The following RBMS3 variants were observed in gnomAD, a reference collection of about 807,000 sequenced individuals.
RBMS3 encodes the protein RNA-binding motif, single-stranded-interacting protein 3.
Under a neutral mutation model 66.8 loss-of-function variants are expected in RBMS3, and 27 were observed. The ratio of observed to expected loss-of-function variants is 0.40; its 90% CI spans 0.30 to 0.56. The LOEUF (loss-of-function observed/expected upper bound fraction) is 0.56. Ranked by LOEUF, RBMS3 falls within the 20% of genes least tolerant of loss-of-function variation. The probability of loss-of-function intolerance (pLI) is 0.40; values close to 1 mark genes in which losing one functional copy is unlikely to be tolerated. For missense variants in RBMS3, 513 were observed against 549.5 expected, an observed-to-expected ratio of 0.93 and a Z score of 0.66; for synonymous variants, 188 against 183.0, an observed-to-expected ratio of 1.03 and a Z score of -0.22.
intron 4 of RBMS3, among the ~76,000 whole-genome samples, chr3:29,682,142 A>G (rs571225655): frequency 6.6e-6 from 1 of 151,992 alleles, no homozygotes; most frequent in South Asian, 2.1e-4. Flanking sequence ...AGGCAATTAG[A>G]TGTTTGTTTG....
chr3:29,701,275 C>G (rs966621180), intron 4 of RBMS3, among the ~76,000 whole-genome samples: 9 of 150,920 alleles, frequency 6.0e-5, no homozygotes, highest in African/African-American at 2.4e-5. Flanking sequence ...GAGACTCTGT[C>G]TCAAAAGAAA....
intron 3 of RBMS3, among the ~76,000 whole-genome samples, chr3:29,575,638 T>C (rs997600001): frequency 6.6e-6 from 1 of 152,100 alleles, no homozygotes; most frequent in African/African-American, 2.4e-5. Flanking sequence ...ATAACTCTTA[T>C]ATTTGCCCTT....
At position 29,302,954 on chromosome 3, in the gene RBMS3, C is replaced by T. The variant is rs544193281; in HGVS notation, c.75+21198C>T. The stretch of plus-strand genomic sequence containing the variant: ...TGTTGTGTATCGACAAATTAGTCTC[C>T]TGGGTTATACCTTAGTCTCATATGA... On this transcript the variant is annotated intron_variant, in intron 1 of 14. Coordinates refer to ENST00000383767, the MANE Select transcript of RBMS3 (RefSeq NM_001003793.3). 2.9e-3 allele frequency among the ~76,000 whole-genome samples: 441 copies of T among 152,050 alleles called. 1 individual carries two copies. Among genetic ancestry groups the T allele is most frequent in the African/African-American group, 0.01 (423 of 41,520 alleles).
intron 1 of RBMS3, among the ~76,000 whole-genome samples, chr3:29,352,141 A>G (rs1267320404): frequency 6.6e-6 from 1 of 152,084 alleles, no homozygotes; most frequent in Admixed American, 6.6e-5. Context: ...TGATTTCATA[A>G]TTATTTTTAA....
chr3:29,540,498 A>G (rs2045716965), intron 3 of RBMS3, among the ~76,000 whole-genome samples: 1 of 152,174 alleles, frequency 6.6e-6, no homozygotes, highest in South Asian at 2.1e-4. Context: ...GATAGTATCT[A>G]GAATTCTTCT....
chr3:29,828,079 T>TGAGA (rs370284060), intron 6 of RBMS3, among the ~76,000 whole-genome samples: 1 of 150,580 alleles, frequency 6.6e-6, no homozygotes, highest in African/African-American at 2.4e-5. Flanking sequence ...TGTGTGTGTG[T>TGAGA]GAGAGAGAGA....
At chr3:29,339,506 T>G (rs1194043434) in intron 1 of RBMS3, among the ~76,000 whole-genome samples, 2 of 151,986 alleles carry the variant, frequency 1.3e-5, no homozygotes, top group Non-Finnish European at 2.9e-5. Flanking sequence ...AAGCAAAGGA[T>G]CAGGAGAGCT....
intron 1 of RBMS3, among the ~76,000 whole-genome samples, chr3:29,402,486 A>G (rs927403192): frequency 2.6e-5 from 4 of 152,104 alleles, no homozygotes; most frequent in African/African-American, 7.2e-5. Flanking sequence ...ACCAGAAATC[A>G]AAAATGTGAG....
At chr3:29,872,277 T>C (rs1208910930) in intron 7 of RBMS3, among the ~76,000 whole-genome samples, 1 of 152,132 alleles carries the variant, frequency 6.6e-6, no homozygotes, top group African/African-American at 2.4e-5. Flanking sequence ...TTTATTAAAA[T>C]ATATTTTTTA....
At chr3:29,740,628 G>T (rs1366431181) in intron 5 of RBMS3, among the ~76,000 whole-genome samples, 2 of 152,138 alleles carry the variant, frequency 1.3e-5, no homozygotes, top group African/African-American at 4.8e-5. Flanking sequence ...CAATGACAAT[G>T]AAGAAAAATA....
At position 29,991,065 on chromosome 3, in the gene RBMS3, C is replaced by T; in HGVS notation, c.1180-17C>T. 6.5e-7 allele frequency: 1 copy of T among 1,530,490 alleles called. No homozygotes were observed. Among genetic ancestry groups the T allele is most frequent in the Non-Finnish European group, 8.9e-7 (1 of 1,129,830 alleles). 94.8% of individuals were successfully genotyped at this position (1,530,490 alleles called of 1,614,324 possible). ...CTGAAGCAAGTAAGGCTTTTATGTT[C>T]TTATTTGCCTCCTTAGGGTGTTGTT... On this transcript the variant is annotated splice_polypyrimidine_tract_variant and intron_variant, in intron 13 of 14. Coordinates refer to ENST00000383767, the MANE Select transcript of RBMS3 (RefSeq NM_001003793.3).
chr3:29,512,353 AT>A (rs2044446173), intron 3 of RBMS3, among the ~76,000 whole-genome samples: 1 of 152,172 alleles, frequency 6.6e-6, no homozygotes, highest in Non-Finnish European at 1.5e-5. Flanking sequence ...GATAAGTGCA[AT>A]GAACAAATTT....
At chr3:29,911,352 C>A (rs746212343) in intron 10 of RBMS3, among the ~76,000 whole-genome samples, 4 of 152,004 alleles carry the variant, frequency 2.6e-5, no homozygotes, top group Non-Finnish European at 4.4e-5. Flanking sequence ...GGGGCATATG[C>A]ATGACATTTG....
chr3:30,000,343 C>G (rs768221390), intron 14 of RBMS3, among the ~76,000 whole-genome samples: 1 of 152,134 alleles, frequency 6.6e-6, no homozygotes, highest in Non-Finnish European at 1.5e-5. Context: ...AATGAGATAC[C>G]ATTTCATGCC....
At chr3:29,786,649 A>C (rs2056831503) in intron 6 of RBMS3, among the ~76,000 whole-genome samples, 1 of 152,198 alleles carries the variant, frequency 6.6e-6, no homozygotes, top group Admixed American at 6.5e-5. Flanking sequence ...ATGTAGAAGA[A>C]TGAAACTGGA....
chr3:29,813,918 G>A lies in RBMS3; in HGVS notation c.637+50929G>A, dbSNP rs371367030. On this transcript the variant is annotated intron_variant, in intron 6 of 14. Transcript: ENST00000383767. ...GGTTTTCTAGATATACAATCATGTC[G>A]TCTGCAAACAGGGACAATTTGACTT... is the stretch of plus-strand genomic sequence containing the variant. Among the ~76,000 whole-genome samples the A allele has an allele frequency of 7.0e-3, 1,064 of 152,038 alleles. 9 individuals carry two copies. Among genetic ancestry groups the A allele is most frequent in the African/African-American group, 0.024 (1,006 of 41,436 alleles).
At chr3:29,515,001 GATCA>G (rs997827549) in intron 3 of RBMS3, among the ~76,000 whole-genome samples, 3 of 152,068 alleles carry the variant, frequency 2.0e-5, no homozygotes, top group African/African-American at 7.2e-5. Context: ...CTATGTTCAA[GATCA>G]ATCAGCTTCC....
At chr3:29,645,749 C>G (rs1444375688) in intron 4 of RBMS3, among the ~76,000 whole-genome samples, 1 of 152,112 alleles carries the variant, frequency 6.6e-6, no homozygotes, top group Non-Finnish European at 1.5e-5. Flanking sequence ...TAAAACTTTC[C>G]AAGAGGACAT....
chr3:29,395,970 T>C (rs2039528150), intron 1 of RBMS3, among the ~76,000 whole-genome samples: 1 of 152,192 alleles, frequency 6.6e-6, no homozygotes, highest in Non-Finnish European at 1.5e-5. Context: ...GAGCAAGATA[T>C]TTGCATAGTT....
Sources: gnomAD v4.1 joint callset for allele counts (sites outside exome capture counted in the v4.1 genomes callset) on GRCh38, gnomAD v4.1.1 for gene constraint, MANE v1.5 for transcripts, NCBI Gene and HGNC (gene_info 2026-07-23, HGNC 2026-07-21) for gene names.